Variants in FGF10 observed in about 807,000 individuals in gnomAD.
FGF10 encodes the protein fibroblast growth factor 10.
FGF10 carries 2 observed loss-of-function variants against 19.8 expected under a neutral mutation model. The ratio of observed to expected loss-of-function variants is 0.10; its 90% CI spans 0.04 to 0.32. The LOEUF (loss-of-function observed/expected upper bound fraction) is 0.32. Ranked by LOEUF, FGF10 falls within the 10% of genes least tolerant of loss-of-function variation. The pLI, the probability that FGF10 is intolerant of heterozygous loss-of-function variation, is 1.00. For missense variants in FGF10, 191 were observed against 246.3 expected, an observed-to-expected ratio of 0.78 and a Z score of 1.50; for synonymous variants, 112 against 94.0, an observed-to-expected ratio of 1.19 and a Z score of -1.10.
intron 1 of FGF10, among the ~76,000 whole-genome samples, chr5:44,339,305 A>C (rs1480241172): frequency 6.6e-6 from 1 of 152,184 alleles, no homozygotes; most frequent in Non-Finnish European, 1.5e-5. Context: ...AAACTAACCC[A>C]CTACTCAAAA....
chr5:44,326,416 T>C (rs1421732083), intron 1 of FGF10, among the ~76,000 whole-genome samples: 2 of 152,112 alleles, frequency 1.3e-5, no homozygotes, highest in African/African-American at 4.8e-5. Flanking sequence ...TATTTATTGT[T>C]GAGACAGGGT....
At chr5:44,340,449 G>C in intron 1 of FGF10, among the ~76,000 whole-genome samples, 1 of 152,026 alleles carries the variant, frequency 6.6e-6, no homozygotes, top group East Asian at 1.9e-4. Context: ...AATATTATGA[G>C]ATATAATAAA....
intron 1 of FGF10, among the ~76,000 whole-genome samples, chr5:44,344,560 T>C (rs937367714): frequency 9.1e-5 from 4 of 43,838 alleles, no homozygotes; most frequent in Admixed American, 7.7e-4. Flanking sequence ...TTTACTGTTT[T>C]GTTTTCTCTG....
At chr5:44,370,926 G>A (rs1340595363) in intron 1 of FGF10, among the ~76,000 whole-genome samples, 1 of 152,114 alleles carries the variant, frequency 6.6e-6, no homozygotes. Flanking sequence ...AGAGAAGATA[G>A]ATGATAAAAG....
At chr5:44,379,904 A>C (rs745937263) in intron 1 of FGF10, among the ~76,000 whole-genome samples, 15 of 152,186 alleles carry the variant, frequency 9.9e-5, no homozygotes, top group Non-Finnish European at 2.2e-4. Context: ...GGCTTCTAAA[A>C]AATTTCATTA....
chr5:44,310,104 G>T (rs992313070), intron 2 of FGF10, among the ~76,000 whole-genome samples: 4 of 152,070 alleles, frequency 2.6e-5, no homozygotes, highest in Admixed American at 2.6e-4. Flanking sequence ...TGTTTTTAGT[G>T]TTTTTTCTCC....
chr5:44,328,165 G>C (rs1238561264), intron 1 of FGF10, among the ~76,000 whole-genome samples: 1 of 152,052 alleles, frequency 6.6e-6, no homozygotes, highest in Non-Finnish European at 1.5e-5. Context: ...CTGCTCATTA[G>C]AATCAACAGT....
At chr5:44,331,714 T>C (rs982546775) in intron 1 of FGF10, among the ~76,000 whole-genome samples, 2 of 152,112 alleles carry the variant, frequency 1.3e-5, no homozygotes, top group African/African-American at 4.8e-5. Context: ...ACAATGTTGT[T>C]GATCCCATTT....
chr5:44,338,567 G>A (rs1740901365), intron 1 of FGF10, among the ~76,000 whole-genome samples: 1 of 152,142 alleles, frequency 6.6e-6, no homozygotes, highest in Non-Finnish European at 1.5e-5. Flanking sequence ...AGCTTCCTAA[G>A]GCTTTGATGT....
chr5:44,320,307 G>A (rs1740454175), intron 1 of FGF10, among the ~76,000 whole-genome samples: 1 of 152,070 alleles, frequency 6.6e-6, no homozygotes, highest in Non-Finnish European at 1.5e-5. Flanking sequence ...GTCCATGTAT[G>A]GCCCATCCAT....
chr5:44,364,579 T>A (rs966012357), intron 1 of FGF10, among the ~76,000 whole-genome samples: 2 of 151,882 alleles, frequency 1.3e-5, no homozygotes, highest in African/African-American at 4.8e-5. Flanking sequence ...AACAAATCTT[T>A]ATTTAAGATT....
chr5:44,353,311 G>T (rs1266096550), intron 1 of FGF10, among the ~76,000 whole-genome samples: 8 of 151,426 alleles, frequency 5.3e-5, no homozygotes, highest in Non-Finnish European at 1.2e-4. Flanking sequence ...TGCTTGCTGT[G>T]CTTTGTTTTT....
intron 1 of FGF10, among the ~76,000 whole-genome samples, chr5:44,360,077 A>T: frequency 6.6e-6 from 1 of 151,418 alleles, no homozygotes; most frequent in Non-Finnish European, 1.5e-5. Context: ...ACAAATTTGC[A>T]TTGACCAGTA....
At chr5:44,330,578 C>T (rs1412999296) in intron 1 of FGF10, among the ~76,000 whole-genome samples, 1 of 152,122 alleles carries the variant, frequency 6.6e-6, no homozygotes, top group Non-Finnish European at 1.5e-5. Flanking sequence ...GAGAGCTATT[C>T]TTTTATTATA....
At position 44,350,420 on chromosome 5, in the gene FGF10, C is replaced by T. The variant is rs537148390; in HGVS notation, c.325+37938G>A. 1.1e-4 allele frequency among the ~76,000 whole-genome samples: 17 copies of T among 150,674 alleles called. No homozygotes were observed. The East Asian group carries it at 2.9e-3, about 26-fold the overall frequency. On this transcript the variant is annotated intron_variant, in intron 1 of 2. Coordinates refer to ENST00000264664, the MANE Select transcript of FGF10 (RefSeq NM_004465.2). ...ACAGGGAAAAAAATAAAAAGAAATT[C>T]ACCAAAATAGAACAACAGGTACTTC... is the stretch of plus-strand genomic sequence containing the variant.
chr5:44,302,291 C>T lies in FGF10; in HGVS notation c.*2704G>A, dbSNP rs1002434967. Among the ~76,000 whole-genome samples the T allele has an allele frequency of 2.6e-5, 2 of 76,772 alleles. No homozygotes were observed. Among genetic ancestry groups the T allele is most frequent in the Admixed American group, 1.7e-4 (1 of 5,950 alleles). The allele number at this position is 76,772 out of a possible 152,430, so 50.4% of individuals were successfully genotyped here. A position where few individuals can be genotyped will look rare whatever the true frequency, so the allele number is the denominator to read the frequency against. On this transcript the variant is annotated 3_prime_UTR_variant, in exon 3 of 3. Coordinates refer to ENST00000264664, the MANE Select transcript of FGF10 (RefSeq NM_004465.2). ...CCTTCCTTCTTTCCTTGCTTCCTTC[C>T]TTCCTTCCTTCCTTCCTTCCTTCCT...
At chr5:44,386,499 T>A (rs985696233) in intron 1 of FGF10, among the ~76,000 whole-genome samples, 1 of 152,174 alleles carries the variant, frequency 6.6e-6, no homozygotes, top group Non-Finnish European at 1.5e-5. Context: ...TTCTTCCCCA[T>A]CCTGCTAACT....
chr5:44,307,805 T>G (rs186363107), intron 2 of FGF10, among the ~76,000 whole-genome samples: 1 of 152,192 alleles, frequency 6.6e-6, no homozygotes, highest in African/African-American at 2.4e-5. Context: ...AAATTTTTCG[T>G]TTAATTTGAA....
intron 1 of FGF10, among the ~76,000 whole-genome samples, chr5:44,369,440 A>G (rs1276532111): frequency 6.6e-6 from 1 of 152,138 alleles, no homozygotes; most frequent in Non-Finnish European, 1.5e-5. Flanking sequence ...TCTTGGGGTT[A>G]GACGCACATA....
Sources: allele counts gnomAD v4.1 joint callset (sites outside exome capture counted in the v4.1 genomes callset), GRCh38; gene constraint gnomAD v4.1.1; transcripts MANE v1.5; gene names NCBI Gene and HGNC (gene_info 2026-07-23, HGNC 2026-07-21).